Variants in SLC25A26 observed in about 807,000 individuals in gnomAD.
SLC25A26 encodes the protein mitochondrial S-adenosylmethionine carrier protein.
In SLC25A26, 36 loss-of-function variants were observed where a neutral mutation model predicts 37.8. The observed-to-expected ratio is 0.95, with a 90% CI of 0.73 to 1.26. The LOEUF (loss-of-function observed/expected upper bound fraction) is 1.26. SLC25A26 is among the 50% of genes most tolerant of loss of function. SLC25A26 has a pLI of 0.00. For synonymous variants in SLC25A26, 129 were observed against 122.5 expected, an observed-to-expected ratio of 1.05 and a Z score of -0.35; for missense variants, 390 against 331.1, an observed-to-expected ratio of 1.18 and a Z score of -1.38.
At chr3:66,318,002 C>T (rs1023843089) in intron 5 of SLC25A26, among the ~76,000 whole-genome samples, 1 of 152,168 alleles carries the variant, frequency 6.6e-6, no homozygotes, top group Non-Finnish European at 1.5e-5. Context: ...GCAGTGATGG[C>T]GGCTGCCCCT....
chr3:66,226,115 C>G (rs891724756), intron 1 of SLC25A26, among the ~76,000 whole-genome samples: 77 of 152,214 alleles, frequency 5.1e-4, no homozygotes, highest in African/African-American at 1.8e-3. Context: ...TTAGTCTGTT[C>G]TCACACTGCT....
chr3:66,350,791 C>A (rs1166505539), intron 6 of SLC25A26, among the ~76,000 whole-genome samples: 11 of 152,114 alleles, frequency 7.2e-5, no homozygotes, highest in South Asian at 2.1e-4. Context: ...CTTACTGCCT[C>A]TAAATATGTT....
chr3:66,332,386 A>G (rs1392227801), intron 5 of SLC25A26, among the ~76,000 whole-genome samples: 1 of 152,106 alleles, frequency 6.6e-6, no homozygotes, highest in Non-Finnish European at 1.5e-5. Flanking sequence ...AAGTATTCTT[A>G]TTTAGAATTT....
At chr3:66,310,131 T>A (rs893349238) in intron 5 of SLC25A26, among the ~76,000 whole-genome samples, 1 of 152,236 alleles carries the variant, frequency 6.6e-6, no homozygotes, top group South Asian at 2.1e-4. Flanking sequence ...TGTGTGGAAG[T>A]CTAAGTTTCT....
At chr3:66,204,894 A>G (rs1305528582) in intron 1 of SLC25A26, among the ~76,000 whole-genome samples, 1 of 152,202 alleles carries the variant, frequency 6.6e-6, no homozygotes, top group African/African-American at 2.4e-5. Context: ...TAAACAGCTG[A>G]CTGCAAAGAA....
At chr3:66,170,091 T>C (rs2070475072) in intron 1 of SLC25A26, among the ~76,000 whole-genome samples, 1 of 152,192 alleles carries the variant, frequency 6.6e-6, no homozygotes, top group Admixed American at 6.5e-5. Context: ...TGCATTCAGG[T>C]TCTAAGCAAG....
chr3:66,203,248 C>T (rs1419407329), intron 1 of SLC25A26, among the ~76,000 whole-genome samples: 2 of 151,960 alleles, frequency 1.3e-5, no homozygotes, highest in African/African-American at 4.8e-5. Flanking sequence ...AGGCATGGTG[C>T]CATGTGTCTG....
intron 1 of SLC25A26, among the ~76,000 whole-genome samples, chr3:66,185,293 C>T (rs944291104): frequency 0.04 from 6,033 of 152,230 alleles, 143 homozygotes; most frequent in African/African-American, 0.056. Flanking sequence ...GAATTCCCTT[C>T]CTTTTTAAGG....
chr3:66,272,101 T>C (rs997912775), intron 5 of SLC25A26, among the ~76,000 whole-genome samples: 1 of 152,194 alleles, frequency 6.6e-6, no homozygotes, highest in African/African-American at 2.4e-5. Flanking sequence ...ATAAACTGTT[T>C]ACATTTACCA....
chr3:66,232,385 A>G (rs1433389310), intron 1 of SLC25A26, among the ~76,000 whole-genome samples: 1 of 152,016 alleles, frequency 6.6e-6, no homozygotes, highest in Non-Finnish European at 1.5e-5. Flanking sequence ...TTTAAGGTTG[A>G]TTTGTAGTGC....
At chr3:66,218,958 C>T (rs2071401659), upstream of SLC25A26, among the ~76,000 whole-genome samples, 1 of 152,232 alleles carries the variant, frequency 6.6e-6, no homozygotes, top group Non-Finnish European at 1.5e-5. Flanking sequence ...TAAATGACTC[C>T]TTGATTCTTG....
At chr3:66,184,607 G>GTATTACATGCTCACCTTGAGTTTACTATA (rs2070786315) in intron 1 of SLC25A26, among the ~76,000 whole-genome samples, 2 of 152,254 alleles carry the variant, frequency 1.3e-5, no homozygotes, top group East Asian at 1.9e-4. Flanking sequence ...AGTTTACTAT[G>GTATTACATGCTCACCTTGAGTTTACTATA]TATTACATGC....
chr3:66,346,479 G>GTAGAAAGAC (rs1313479824), intron 6 of SLC25A26, 71 bp downstream of exon 6: 2 of 789,058 alleles, frequency 2.5e-6, no homozygotes, highest in African/African-American at 3.7e-5. Context: ...GTGTGGAAGA[G>GTAGAAAGAC]TAGAACATAA....
intron 3 of SLC25A26, among the ~76,000 whole-genome samples, chr3:66,247,390 C>G (rs1354173075): frequency 1.3e-5 from 2 of 152,074 alleles, no homozygotes; most frequent in African/African-American, 4.8e-5. Context: ...CTGCTGTAGC[C>G]TGTAACTTCT....
chr3:66,258,017 A>C (rs531185780), intron 3 of SLC25A26, among the ~76,000 whole-genome samples: 14 of 152,322 alleles, frequency 9.2e-5, no homozygotes, highest in African/African-American at 1.9e-4. Flanking sequence ...GATCCTGGCT[A>C]ACTTATGGAA....
At chr3:66,154,778 G>A (rs985674924) in intron 1 of SLC25A26, among the ~76,000 whole-genome samples, 1 of 152,104 alleles carries the variant, frequency 6.6e-6, no homozygotes, top group African/African-American at 2.4e-5. Flanking sequence ...CACAGCGCCC[G>A]GCGGGCCTTG....
chr3:66,336,529 C>T (rs977521136), intron 5 of SLC25A26, among the ~76,000 whole-genome samples: 3 of 152,122 alleles, frequency 2.0e-5, no homozygotes, highest in Non-Finnish European at 2.9e-5. Context: ...TGACCCTGTG[C>T]GAGTTCTAAC....
chr3:66,215,354 C>A (rs921394257), intron 1 of SLC25A26, among the ~76,000 whole-genome samples: 14 of 152,238 alleles, frequency 9.2e-5, no homozygotes, highest in African/African-American at 3.4e-4. Flanking sequence ...GCATGTGCCA[C>A]TGTGCATGAC....
chr3:66,179,894 A>G (rs2070664773), intron 1 of SLC25A26, among the ~76,000 whole-genome samples: 1 of 152,216 alleles, frequency 6.6e-6, no homozygotes, highest in Non-Finnish European at 1.5e-5. Flanking sequence ...TGCCAGATTG[A>G]TGCATAGTTA....
Sources: allele counts gnomAD v4.1 joint callset (sites outside exome capture counted in the v4.1 genomes callset), GRCh38; gene constraint gnomAD v4.1.1; transcripts MANE v1.5; gene names NCBI Gene and HGNC (gene_info 2026-07-23, HGNC 2026-07-21).